Variants in PTPRG observed in about 807,000 individuals in gnomAD.
The protein encoded by PTPRG is receptor-type tyrosine-protein phosphatase gamma.
PTPRG carries 102 observed loss-of-function variants against 165.3 expected under a neutral mutation model. The ratio of observed to expected loss-of-function variants is 0.62; its 90% CI spans 0.53 to 0.73. The LOEUF is 0.73. Ranked by LOEUF, PTPRG falls within the 30% of genes least tolerant of loss-of-function variation. The pLI, the probability that PTPRG is intolerant of heterozygous loss-of-function variation, is 0.00. For synonymous variants in PTPRG, 675 were observed against 669.5 expected, an observed-to-expected ratio of 1.01 and a Z score of -0.13; for missense variants, 1,866 against 1,861.4, an observed-to-expected ratio of 1.00 and a Z score of -0.05.
intron 2 of PTPRG, among the ~76,000 whole-genome samples, chr3:61,910,459 G>C (rs1389226984): frequency 1.3e-5 from 2 of 152,052 alleles, no homozygotes; most frequent in East Asian, 3.9e-4. Context: ...GTTTTACCTT[G>C]CCTTTCTCTT....
chr3:61,920,743 G>T (rs1366227432), intron 2 of PTPRG, among the ~76,000 whole-genome samples: 1 of 152,164 alleles, frequency 6.6e-6, no homozygotes, highest in Non-Finnish European at 1.5e-5. Flanking sequence ...AAATTGAGAG[G>T]AAGGTACAGA....
chr3:61,789,786 G>A (rs1355127897), intron 2 of PTPRG, among the ~76,000 whole-genome samples: 3 of 152,168 alleles, frequency 2.0e-5, no homozygotes, highest in Non-Finnish European at 2.9e-5. Context: ...TTACTGCTTT[G>A]GAGGTACTTT....
At chr3:61,755,098 C>T (rs2033589545) in intron 2 of PTPRG, among the ~76,000 whole-genome samples, 1 of 152,086 alleles carries the variant, frequency 6.6e-6, no homozygotes, top group African/African-American at 2.4e-5. Flanking sequence ...ACCTCCGCCT[C>T]CTGGGTTCAA....
At chr3:61,997,375 G>C (rs989687478) in intron 3 of PTPRG, among the ~76,000 whole-genome samples, 1 of 152,008 alleles carries the variant, frequency 6.6e-6, no homozygotes, top group Non-Finnish European at 1.5e-5. Context: ...ATTTCTCTTG[G>C]GACAAACACA....
chr3:62,261,265 T>C (rs1463870290), intron 16 of PTPRG, among the ~76,000 whole-genome samples: 2 of 152,188 alleles, frequency 1.3e-5, no homozygotes, highest in Admixed American at 6.5e-5. Flanking sequence ...TTCAAATCCA[T>C]TTTCAAAAGT....
At position 61,719,507 on chromosome 3, in the gene PTPRG, T is replaced by C. The variant is rs188983523; in HGVS notation, c.86-29371T>C. Among the ~76,000 whole-genome samples, 250 of 152,298 alleles carry C rather than the reference T, an allele frequency of 1.6e-3. 1 individual carries two copies. The highest frequency in any genetic ancestry group is 6.8e-3 in the Middle Eastern group (2 of 294). ...CCCCACTGCCAGTTTTCCTCTGTGA[T>C]ACAGCCTTCGGTGGTGTCTTTGTCA... On this transcript the variant is annotated intron_variant, in intron 1 of 29. Coordinates refer to ENST00000474889, the MANE Select transcript of PTPRG (RefSeq NM_002841.4).
chr3:62,071,477 T>C (rs1701208360), intron 4 of PTPRG, among the ~76,000 whole-genome samples: 1 of 152,212 alleles, frequency 6.6e-6, no homozygotes, highest in South Asian at 2.1e-4. Flanking sequence ...AATGTAGTAT[T>C]TGTTTAATAG....
At chr3:62,036,932 G>A (rs116702234) in intron 4 of PTPRG, among the ~76,000 whole-genome samples, 1,747 of 151,948 alleles carry the variant, frequency 0.011, 37 homozygotes, top group African/African-American at 0.04. Context: ...ACTCAGGCTC[G>A]TTTGCCACCA....
rs1388126895 is a variant in PTPRG at position 62,072,237 on chromosome 3, A to T, written c.520-5926A>T. Among the ~76,000 whole-genome samples, 4 of 152,158 alleles carry T rather than the reference A, an allele frequency of 2.6e-5. No homozygotes were observed. The South Asian group carries it at 6.2e-4, about 24-fold the overall frequency. On this transcript the variant is annotated intron_variant, in intron 4 of 29. Coordinates refer to ENST00000474889, the MANE Select transcript of PTPRG (RefSeq NM_002841.4). ...GTGTCCTTTTCACCTCCCTCCCATT[A>T]CTTGACAGTATTGGGATTCATGCAG...
intron 1 of PTPRG, among the ~76,000 whole-genome samples, chr3:61,586,476 C>T (rs1218051942): frequency 6.6e-6 from 1 of 152,172 alleles, no homozygotes; most frequent in Non-Finnish European, 1.5e-5. Flanking sequence ...TGCCTTGGAT[C>T]TCCACAGGTC....
At chr3:61,705,390 G>C (rs1179347769) in intron 1 of PTPRG, among the ~76,000 whole-genome samples, 1 of 152,066 alleles carries the variant, frequency 6.6e-6, no homozygotes, top group Non-Finnish European at 1.5e-5. Context: ...TCCATTATTT[G>C]CTCAAGGCTG....
chr3:61,666,215 C>G lies in PTPRG; in HGVS notation c.86-82663C>G, dbSNP rs181513160. ...GCCGGCTGGTGAAGATCAAGGGCGC[C>G]GCAGCAGAGCTGCTGAAGGCTCCTT... On this transcript the variant is annotated intron_variant, in intron 1 of 29. Transcript: ENST00000474889. 6.6e-5 allele frequency among the ~76,000 whole-genome samples: 10 copies of G among 152,278 alleles called. No homozygotes were observed. In the East Asian group the frequency reaches 1.7e-3, roughly 26 times the overall value.
At chr3:61,600,274 T>G (rs1297705860) in intron 1 of PTPRG, among the ~76,000 whole-genome samples, 1 of 151,694 alleles carries the variant, frequency 6.6e-6, no homozygotes, top group African/African-American at 2.4e-5. Flanking sequence ...CTACTCATCT[T>G]TTATTCCTTT....
chr3:61,801,311 A>ATTTTTT (rs745926597), intron 2 of PTPRG, among the ~76,000 whole-genome samples: 1 of 141,090 alleles, frequency 7.1e-6, no homozygotes, highest in Non-Finnish European at 1.6e-5. Context: ...TGTGTGTGTA[A>ATTTTTT]TTTTTTTTTT....
At chr3:62,221,810 T>C (rs1700657784) in intron 13 of PTPRG, among the ~76,000 whole-genome samples, 1 of 152,220 alleles carries the variant, frequency 6.6e-6, no homozygotes, top group African/African-American at 2.4e-5. Context: ...GTGTGTTTTC[T>C]CCAAGTTGTT....
At chr3:62,187,710 C>T (rs902274709) in intron 8 of PTPRG, among the ~76,000 whole-genome samples, 12 of 152,188 alleles carry the variant, frequency 7.9e-5, no homozygotes, top group African/African-American at 2.9e-4. Context: ...CAAATGCCTC[C>T]TCCAAATTTG....
chr3:61,606,425 A>G (rs959418280), intron 1 of PTPRG, among the ~76,000 whole-genome samples: 3 of 152,200 alleles, frequency 2.0e-5, no homozygotes, highest in South Asian at 2.1e-4. Context: ...CTTAGAATAA[A>G]TTCTCTTCAT....
chr3:61,570,042 C>T (rs1700020364), intron 1 of PTPRG, among the ~76,000 whole-genome samples: 1 of 152,150 alleles, frequency 6.6e-6, no homozygotes, highest in Admixed American at 6.5e-5. Context: ...GCTTTATGGA[C>T]AGTGTGGTAA....
chr3:61,651,405 G>C (rs1702351776), intron 1 of PTPRG, among the ~76,000 whole-genome samples: 1 of 151,052 alleles, frequency 6.6e-6, no homozygotes, highest in African/African-American at 2.4e-5. Flanking sequence ...ACTAGTGATA[G>C]ATGATAGCAG....
Sources: gnomAD v4.1 joint callset for allele counts (sites outside exome capture counted in the v4.1 genomes callset) on GRCh38, gnomAD v4.1.1 for gene constraint, MANE v1.5 for transcripts, NCBI Gene and HGNC (gene_info 2026-07-23, HGNC 2026-07-21) for gene names.